DENND2A: variants seen among roughly 807,000 people sequenced by gnomAD.
DENND2A encodes the protein DENN domain containing 2A, also known as DENN domain-containing protein 2A.
In DENND2A, 53 loss-of-function variants were observed where a neutral mutation model predicts 105.3. The observed-to-expected ratio is 0.50, with a 90% CI of 0.40 to 0.63. The LOEUF (loss-of-function observed/expected upper bound fraction) is 0.63, where lower values mean the gene tolerates loss of function less well. Ranked by LOEUF, DENND2A falls within the 30% of genes least tolerant of loss-of-function variation. The probability of loss-of-function intolerance (pLI) is 0.00; values close to 1 mark genes in which losing one functional copy is unlikely to be tolerated. For missense variants in DENND2A, 1,138 were observed against 1,279.6 expected, an observed-to-expected ratio of 0.89 and a Z score of 1.69; for synonymous variants, 522 against 508.4, an observed-to-expected ratio of 1.03 and a Z score of -0.36.
chr7:140,585,808 T>C, intron 4 of DENND2A, 98 bp from the exon 5 acceptor site: 1 of 1,549,944 alleles, frequency 6.5e-7, no homozygotes, highest in Admixed American at 1.8e-5. Flanking sequence ...CTGTGTCCAT[T>C]CTTGTAGGCA....
chr7:140,620,240 AAAG>A (rs1207245552), intron 1 of DENND2A, among the ~76,000 whole-genome samples: 1 of 151,756 alleles, frequency 6.6e-6, no homozygotes, highest in Admixed American at 6.6e-5. Flanking sequence ...TAGAAAGAAA[AAAG>A]AAGACTATTA....
chr7:140,632,566 A>G (rs1800768762), intron 1 of DENND2A, among the ~76,000 whole-genome samples: 1 of 152,110 alleles, frequency 6.6e-6, no homozygotes, highest in Admixed American at 6.6e-5. Flanking sequence ...ACTTACTTTT[A>G]GTGCTTTTTT....
chr7:140,607,519 G>A (rs140811959), intron 1 of DENND2A, among the ~76,000 whole-genome samples: 1 of 152,138 alleles, frequency 6.6e-6, no homozygotes, highest in East Asian at 1.9e-4. Context: ...ACATTGTGGG[G>A]CTTATCTATG....
chr7:140,602,780 C>T (rs1351016624), intron 2 of DENND2A, among the ~76,000 whole-genome samples: 1 of 151,512 alleles, frequency 6.6e-6, no homozygotes, highest in African/African-American at 2.4e-5. Context: ...CAAAACCAGC[C>T]TGGGCAACAT....
At chr7:140,583,755 T>A (rs188909609) in intron 5 of DENND2A, among the ~76,000 whole-genome samples, 1 of 146,180 alleles carries the variant, frequency 6.8e-6, no homozygotes, top group East Asian at 2.0e-4. Flanking sequence ...TGAAACCCCG[T>A]CTCTACTAAA....
intron 14 of DENND2A, among the ~76,000 whole-genome samples, chr7:140,528,131 A>G (rs572857991): frequency 2.5e-4 from 38 of 152,138 alleles, no homozygotes; most frequent in Admixed American, 7.9e-4. Flanking sequence ...GTGAGCCACC[A>G]TGCCTGGACT....
intron 5 of DENND2A, among the ~76,000 whole-genome samples, chr7:140,581,538 C>A (rs1798541801): frequency 6.6e-6 from 1 of 152,170 alleles, no homozygotes; most frequent in Non-Finnish European, 1.5e-5. Flanking sequence ...ACTGCTCCTG[C>A]AAGCTTTAGG....
intron 1 of DENND2A, among the ~76,000 whole-genome samples, chr7:140,608,821 G>A (rs1585748247): frequency 1.3e-5 from 2 of 152,106 alleles, no homozygotes; most frequent in African/African-American, 2.4e-5. Context: ...TCCAAAGTGT[G>A]GTCCATGGGG....
rs1464499737 is a variant in DENND2A, at chr7:140,555,701, C to T, written c.1972G>A (p.Gly658Arg). ...CAGTAAACTTCAGGAAGGCGCTTCC[C>T]TTTGCCTCCAGGCTTTTCGGAGAGA... ...YCRRLLPGGK[G>R]KRLPEVYCIV... Residue 658 changes from glycine (G) to arginine (R), a missense_variant, in exon 12 of 20, where the codon GGG becomes AGG. Physicochemically the swap from Gly to Arg is moderately radical, Grantham distance 125. Around this residue, in one of 2 missense-constraint regions of DENND2A, gnomAD observed 627 missense variants for 779.8 expected, o/e 0.80. Transcript: ENST00000496613. 7 of 1,604,836 alleles carry T rather than the reference C, an allele frequency of 4.4e-6. No homozygotes were observed. The highest frequency in any genetic ancestry group is 5.9e-6 in the Non-Finnish European group (7 of 1,177,506).
intron 1 of DENND2A, among the ~76,000 whole-genome samples, chr7:140,607,466 C>G (rs1799734481): frequency 6.6e-6 from 1 of 152,158 alleles, no homozygotes; most frequent in South Asian, 2.1e-4. Flanking sequence ...TCTGGCCTGT[C>G]CATGGAGTTC....
rs1005079820 is a variant in DENND2A at position 140,577,705 on chromosome 7, C to T, written c.1246-3697G>A. The stretch of plus-strand genomic sequence containing the variant: ...GATCCACCGCGCCCAGCCAGCAAAC[C>T]TTTTCTAAAAAGCCAGATTGTACTT... On this transcript the variant is annotated intron_variant, in intron 5 of 19. Transcript: ENST00000496613. Among the ~76,000 whole-genome samples, 28 of 152,006 alleles carry T rather than the reference C, an allele frequency of 1.8e-4. 1 individual carries two copies. The highest frequency in any genetic ancestry group is 1.7e-3 in the Admixed American group (26 of 15,226).
chr7:140,586,406 C>T (rs1410401284), intron 4 of DENND2A, among the ~76,000 whole-genome samples: 2 of 137,052 alleles, frequency 1.5e-5, no homozygotes, highest in Non-Finnish European at 3.2e-5. Flanking sequence ...CACACACACA[C>T]AAATTAACTG....
At chr7:140,635,181 T>C (rs762742705) in intron 1 of DENND2A, among the ~76,000 whole-genome samples, 36 of 151,936 alleles carry the variant, frequency 2.4e-4, no homozygotes, top group Non-Finnish European at 5.0e-4. Flanking sequence ...CAGGATCCCT[T>C]GAGCCCAGGA....
At chr7:140,567,781 A>G (rs1797925312) in intron 8 of DENND2A, among the ~76,000 whole-genome samples, 2 of 152,108 alleles carry the variant, frequency 1.3e-5, no homozygotes, top group Admixed American at 1.3e-4. Flanking sequence ...AGATCCCACT[A>G]ACTCAGGAAC....
At chr7:140,612,659 A>G (rs553126777) in intron 1 of DENND2A, among the ~76,000 whole-genome samples, 49 of 151,866 alleles carry the variant, frequency 3.2e-4, no homozygotes, top group Non-Finnish European at 6.2e-4. Flanking sequence ...GTACCACCAC[A>G]CCTGGCTAAT....
At chr7:140,605,616 T>G (rs964889287) in intron 2 of DENND2A, 89 bp downstream of exon 2, 1 of 151,956 alleles carries the variant, frequency 6.6e-6, no homozygotes, top group Non-Finnish European at 1.5e-5. Context: ...GCTCCTTAGC[T>G]CAAGGAAGTA....
intron 12 of DENND2A, among the ~76,000 whole-genome samples, chr7:140,554,077 T>C (rs1436935599): frequency 3.3e-5 from 5 of 151,752 alleles, no homozygotes; most frequent in Non-Finnish European, 7.4e-5. Context: ...AATACAAAAA[T>C]TAGCCGGGTG....
chr7:140,626,238 T>G (rs1324765916), intron 1 of DENND2A, among the ~76,000 whole-genome samples: 1 of 152,112 alleles, frequency 6.6e-6, no homozygotes, highest in Non-Finnish European at 1.5e-5. Flanking sequence ...TCTCCTCCCT[T>G]CCCCTTCTCC....
chr7:140,550,588 T>C (rs897603084), intron 12 of DENND2A, among the ~76,000 whole-genome samples: 2 of 152,256 alleles, frequency 1.3e-5, no homozygotes, highest in Non-Finnish European at 2.9e-5. Flanking sequence ...CCCAAAGTGC[T>C]GGGATTACAG....
Sources: gnomAD v4.1 joint callset for allele counts (sites outside exome capture counted in the v4.1 genomes callset) on GRCh38, gnomAD v4.1.1 for gene constraint, gnomAD v4.1.1 regional missense constraint, MANE v1.5 for transcripts, NCBI Gene and HGNC (gene_info 2026-07-23, HGNC 2026-07-21) for gene names.